The following RANBP2 variants were observed in gnomAD, a reference collection of about 807,000 sequenced individuals.
RANBP2 encodes the protein RAN binding protein 2, also known as E3 SUMO-protein ligase RanBP2.
RANBP2 carries 57 observed loss-of-function variants against 303.6 expected under a neutral mutation model. The ratio of observed to expected loss-of-function variants is 0.19; its 90% CI spans 0.15 to 0.23. RANBP2 has a LOEUF of 0.23. Among genes scored for constraint, RANBP2 ranks in the 10% least tolerant of loss-of-function variants. RANBP2 has a pLI of 1.00. For missense variants in RANBP2, 3,138 were observed against 3,780.8 expected (o/e 0.83, Z 4.46); for synonymous variants, 1,167 against 1,301.5 (o/e 0.90, Z 2.23).
At chr2:108,817,279 G>C in the RANBP2 span, among the ~76,000 whole-genome samples, 1 of 152,028 alleles carries the variant, frequency 6.6e-6, no homozygotes, top group East Asian at 1.9e-4. Context: ...ATGAGACATG[G>C]AATTCAGATA....
At chr2:109,453,117 AC>A in the RANBP2 span, among the ~76,000 whole-genome samples, 1 of 152,138 alleles carries the variant, frequency 6.6e-6, no homozygotes, top group Non-Finnish European at 1.5e-5. Flanking sequence ...TGGGGATAAT[AC>A]AAGTGCAGAC....
Position 108,755,166 on chromosome 2 carries a change from T to G in RANBP2, c.2383-10T>G. ...TTAAATGCTGTTTTGTTATTTTTAT[T>G]TTTTTTTAGTATTCTCCCAAAACAC... On this transcript the variant is annotated splice_polypyrimidine_tract_variant and intron_variant, in intron 16 of 28. Coordinates refer to ENST00000283195, the MANE Select transcript of RANBP2 (RefSeq NM_006267.5). The G allele has an allele frequency of 1.9e-6, 3 of 1,611,518 alleles. No homozygotes were observed. Among genetic ancestry groups the G allele is most frequent in the Non-Finnish European group, 1.7e-6 (2 of 1,179,744 alleles).
chr2:108,954,015 G>A, the RANBP2 span, among the ~76,000 whole-genome samples: 2 of 152,196 alleles, frequency 1.3e-5, no homozygotes, highest in African/African-American at 4.8e-5. Flanking sequence ...TCTAGGGTCA[G>A]ACAAAGAGAA....
At chr2:109,484,781 G>C in the RANBP2 span, among the ~76,000 whole-genome samples, 1 of 152,212 alleles carries the variant, frequency 6.6e-6, no homozygotes, top group African/African-American at 2.4e-5. Context: ...CCTGAGACCT[G>C]GTATCAACAG....
the RANBP2 span, among the ~76,000 whole-genome samples, chr2:109,604,467 C>T: frequency 1.3e-5 from 2 of 148,246 alleles, no homozygotes; most frequent in Admixed American, 1.4e-4. Context: ...TGGCTGAGGC[C>T]TGTAATCCTA....
At chr2:109,545,698 GGTAGGTCAGCAGCCATTAGCT>G in the RANBP2 span, 1 of 1,459,962 alleles carries the variant, frequency 6.8e-7, no homozygotes, top group South Asian at 1.5e-5. Flanking sequence ...AATAACTCAT[GGTAGGTCAGCAGCCATTAGCT>G]GTGTACTAGG....
At chr2:109,516,639 AGGCGAGCCCGT>A in the RANBP2 span, among the ~76,000 whole-genome samples, 1 of 152,090 alleles carries the variant, frequency 6.6e-6, no homozygotes, top group Admixed American at 6.5e-5. Flanking sequence ...AGTGGGAAGG[AGGCGAGCCCGT>A]GTCTGGCCTC....
At chr2:109,224,069 A>G in the RANBP2 span, among the ~76,000 whole-genome samples, 1 of 152,248 alleles carries the variant, frequency 6.6e-6, no homozygotes, top group Non-Finnish European at 1.5e-5. Context: ...AAGAGCTGGA[A>G]TAGCTTCAGG....
chr2:108,968,007 A>G, the RANBP2 span, among the ~76,000 whole-genome samples: 1 of 152,180 alleles, frequency 6.6e-6, no homozygotes, highest in Non-Finnish European at 1.5e-5. Context: ...TGGAGAGATC[A>G]TAGAGAGATG....
At chr2:108,860,461 CTG>C in the RANBP2 span, among the ~76,000 whole-genome samples, 1 of 151,040 alleles carries the variant, frequency 6.6e-6, no homozygotes, top group Non-Finnish European at 1.5e-5. Flanking sequence ...ATGATATTGA[CTG>C]TAGTTTTGTC....
the RANBP2 span, among the ~76,000 whole-genome samples, chr2:109,731,866 A>T: frequency 1.4e-5 from 2 of 139,978 alleles, no homozygotes; most frequent in Non-Finnish European, 3.1e-5. Flanking sequence ...TTTGGCGAGG[A>T]GGGCAGGGTC....
the RANBP2 span, among the ~76,000 whole-genome samples, chr2:109,224,425 T>C: frequency 1.5e-3 from 234 of 152,340 alleles, 1 homozygote; most frequent in African/African-American, 5.4e-3. Context: ...AAAAGGGACT[T>C]GAAGCAGTTT....
the RANBP2 span, among the ~76,000 whole-genome samples, chr2:109,306,833 C>T: frequency 6.0e-4 from 92 of 152,244 alleles, no homozygotes; most frequent in African/African-American, 1.7e-3. Context: ...TTGCTCTGGT[C>T]GACGTGTATG....
chr2:108,995,545 C>G, the RANBP2 span, among the ~76,000 whole-genome samples: 1 of 152,214 alleles, frequency 6.6e-6, no homozygotes, highest in African/African-American at 2.4e-5. Context: ...GGAATTCACC[C>G]TGGCTGGCAG....
chr2:108,980,055 A>G, the RANBP2 span, among the ~76,000 whole-genome samples: 1 of 126,770 alleles, frequency 7.9e-6, no homozygotes, highest in Non-Finnish European at 1.5e-5. Flanking sequence ...ACACACTCAC[A>G]CTTAACAGAT....
At chr2:109,440,462 T>C in the RANBP2 span, among the ~76,000 whole-genome samples, 1 of 152,198 alleles carries the variant, frequency 6.6e-6, no homozygotes, top group South Asian at 2.1e-4. Flanking sequence ...AGGGGGCACA[T>C]CAAAGGGTGT....
At chr2:109,108,351 T>A in the RANBP2 span, among the ~76,000 whole-genome samples, 1 of 152,230 alleles carries the variant, frequency 6.6e-6, no homozygotes, top group Non-Finnish European at 1.5e-5. Context: ...CAACCGTTTT[T>A]AAAACTCTCC....
the RANBP2 span, among the ~76,000 whole-genome samples, chr2:109,349,289 T>C: frequency 6.6e-6 from 1 of 152,208 alleles, no homozygotes. Flanking sequence ...CAATGAATAA[T>C]CTATTTTTCA....
the RANBP2 span, among the ~76,000 whole-genome samples, chr2:109,169,710 A>G: frequency 3.3e-5 from 5 of 151,340 alleles, no homozygotes; most frequent in African/African-American, 1.2e-4. Context: ...CTCTCTATAT[A>G]TATCTATATA....
Sources: gnomAD v4.1 joint callset for allele counts (sites outside exome capture counted in the v4.1 genomes callset) on GRCh38, gnomAD v4.1.1 for gene constraint, MANE v1.5 for transcripts, NCBI Gene and HGNC (gene_info 2026-07-23, HGNC 2026-07-21) for gene names.